AADACL4: variants seen among roughly 807,000 people sequenced by gnomAD.
AADACL4 encodes the protein arylacetamide deacetylase-like 4.
AADACL4 carries 9 observed loss-of-function variants against 14.1 expected under a neutral mutation model. The ratio of observed to expected loss-of-function variants is 0.64; its 90% CI spans 0.39 to 1.12. The LOEUF is 1.12. Ranked by LOEUF, AADACL4 falls within the 50% of genes most tolerant of loss-of-function variation. The probability of loss-of-function intolerance (pLI) is 0.01; values close to 1 mark genes in which losing one functional copy is unlikely to be tolerated. For missense variants in AADACL4, 531 were observed against 516.1 expected, an observed-to-expected ratio of 1.03 and a Z score of -0.28; for synonymous variants, 188 against 201.6, an observed-to-expected ratio of 0.93 and a Z score of 0.57.
intron 1 of AADACL4, among the ~76,000 whole-genome samples, chr1:12,649,800 G>A (rs1444419252): frequency 6.6e-6 from 1 of 152,182 alleles, no homozygotes; most frequent in Admixed American, 6.5e-5. Flanking sequence ...ACAAATTGAA[G>A]CTCAGAGACA....
intron 1 of AADACL4, among the ~76,000 whole-genome samples, chr1:12,647,731 C>T (rs972634055): frequency 6.6e-6 from 1 of 151,574 alleles, no homozygotes; most frequent in Non-Finnish European, 1.5e-5. Flanking sequence ...TCATGGCTTA[C>T]TGCAGCCTCG....
intron 1 of AADACL4, among the ~76,000 whole-genome samples, chr1:12,650,551 C>T (rs896759128): frequency 2.7e-5 from 4 of 150,636 alleles, no homozygotes; most frequent in East Asian, 1.9e-4. Context: ...TTTTTTTCCC[C>T]GAGATGGAGT....
intron 2 of AADACL4, 66 bp downstream of exon 2, chr1:12,651,405 C>T: frequency 2.0e-6 from 3 of 1,505,632 alleles, no homozygotes; most frequent in Non-Finnish European, 2.7e-6. Context: ...TAGCTCATGC[C>T]TCCCGCAAGA....
At chr1:12,648,856 GC>G (rs1247732980) in intron 1 of AADACL4, among the ~76,000 whole-genome samples, 2 of 152,162 alleles carry the variant, frequency 1.3e-5, no homozygotes, top group Non-Finnish European at 2.9e-5. Flanking sequence ...TAACTTCGTG[GC>G]ATAGCTAGTG....
chr1:12,661,758 T>A, intron 2 of AADACL4, 33 bp from the exon 3 acceptor site: 1 of 1,608,984 alleles, frequency 6.2e-7, no homozygotes, highest in East Asian at 2.2e-5. Context: ...GTCCTACTCA[T>A]GCGCTGCTGC....
chr1:12,649,405 G>C (rs1296125460), intron 1 of AADACL4, among the ~76,000 whole-genome samples: 1 of 152,160 alleles, frequency 6.6e-6, no homozygotes, highest in Non-Finnish European at 1.5e-5. Context: ...CTGACAACAG[G>C]GGCCACGACT....
chr1:12,652,162 C>G (rs1647152592), intron 2 of AADACL4, among the ~76,000 whole-genome samples: 1 of 152,120 alleles, frequency 6.6e-6, no homozygotes, highest in African/African-American at 2.4e-5. Context: ...CAGAGCTTGT[C>G]AGTCCTGCAC....
At chr1:12,650,827 G>A (rs1426284820) in intron 1 of AADACL4, among the ~76,000 whole-genome samples, 3 of 152,124 alleles carry the variant, frequency 2.0e-5, no homozygotes, top group Admixed American at 6.5e-5. Context: ...CACTGCGCCC[G>A]GCCAACAATT....
chr1:12,662,988 T>A (rs189664752), intron 3 of AADACL4, among the ~76,000 whole-genome samples: 1 of 152,302 alleles, frequency 6.6e-6, no homozygotes, highest in Admixed American at 6.5e-5. Flanking sequence ...TTGCTTAGGA[T>A]GCCATTATCC....
rs1336400482 is a variant in AADACL4, at chr1:12,658,136, C to CT, written c.386-3653dup. Among the ~76,000 whole-genome samples, 99 of 125,514 alleles carry CT rather than the reference C, an allele frequency of 7.9e-4. 1 individual carries two copies. Among genetic ancestry groups the CT allele is most frequent in the Admixed American group, 6.2e-3 (78 of 12,576 alleles). 82.3% of individuals were successfully genotyped at this position (125,514 alleles called of 152,430 possible). ...CCTTCCTTCCTTCCTTCCTTCCTTC[C>CT]TTCCTTTCTTTCTTTCTTTCTTTCT... On this transcript the variant is annotated intron_variant, in intron 2 of 3. Coordinates refer to ENST00000376221, the MANE Select transcript of AADACL4 (RefSeq NM_001013630.2).
chr1:12,657,751 G>T (rs566438902), intron 2 of AADACL4, among the ~76,000 whole-genome samples: 1 of 152,120 alleles, frequency 6.6e-6, no homozygotes, highest in Non-Finnish European at 1.5e-5. Flanking sequence ...GACCAAAATG[G>T]GTGTCCCAGA....
chr1:12,647,489 G>A (rs764237836), intron 1 of AADACL4, among the ~76,000 whole-genome samples: 2 of 152,094 alleles, frequency 1.3e-5, no homozygotes, highest in South Asian at 4.1e-4. Context: ...AGAAAGTCTC[G>A]ATAAAAGTCA....
At chr1:12,665,762 A>G (rs554354569) in intron 3 of AADACL4, among the ~76,000 whole-genome samples, 199 bp from the exon 4 acceptor site, 110 of 152,202 alleles carry the variant, frequency 7.2e-4, no homozygotes, top group Middle Eastern at 3.4e-3. Context: ...TTTGGAGTTA[A>G]GAATCCTTGC....
At chr1:12,645,221 T>A (rs542164299) in intron 1 of AADACL4, among the ~76,000 whole-genome samples, 301 of 131,536 alleles carry the variant, frequency 2.3e-3, no homozygotes, top group Non-Finnish European at 3.8e-3. Context: ...TCTTCCTTCC[T>A]CCCTATCTCC....
At chr1:12,660,688 G>A (rs1329354707) in intron 2 of AADACL4, among the ~76,000 whole-genome samples, 1 of 152,064 alleles carries the variant, frequency 6.6e-6, no homozygotes, top group Admixed American at 6.5e-5. Context: ...CTGTCACCCA[G>A]GCTGGAGTGC....
intron 2 of AADACL4, 122 bp from the exon 3 acceptor site, chr1:12,661,669 A>G: frequency 9.8e-7 from 1 of 1,016,748 alleles, no homozygotes; most frequent in South Asian, 1.3e-5. Flanking sequence ...GGAGGCAAGG[A>G]TAGAAACAGA....
At chr1:12,659,365 C>T (rs1213198158) in intron 2 of AADACL4, among the ~76,000 whole-genome samples, 1 of 152,142 alleles carries the variant, frequency 6.6e-6, no homozygotes, top group Non-Finnish European at 1.5e-5. Flanking sequence ...TCAGATTTGA[C>T]CTCAGGCTCA....
Position 12,666,889 on chromosome 1 carries a change from G to C in AADACL4, c.*154G>C. 2 of 730,254 alleles carry C rather than the reference G, an allele frequency of 2.7e-6. No individual in the cohort carries two copies. The highest frequency in any genetic ancestry group is 4.2e-6 in the Non-Finnish European group (2 of 476,140). 45.2% of individuals were successfully genotyped at this position (730,254 alleles called of 1,614,324 possible). ...AGAAGTAAGCTAACAGTCTTGCTTA[G>C]TATTCAAGAAAATCCAAACTGTGTC... is the stretch of plus-strand genomic sequence containing the variant. On this transcript the variant is annotated 3_prime_UTR_variant, in exon 4 of 4. Transcript: ENST00000376221.
intron 2 of AADACL4, 95 bp downstream of exon 2, chr1:12,651,434 A>G: frequency 7.7e-7 from 1 of 1,304,292 alleles, no homozygotes; most frequent in Admixed American, 2.3e-5. Flanking sequence ...ACAGTAGCTT[A>G]AAGGAATCAG....
Sources: gnomAD v4.1 joint callset for allele counts (sites outside exome capture counted in the v4.1 genomes callset) on GRCh38, gnomAD v4.1.1 for gene constraint, MANE v1.5 for transcripts, NCBI Gene and HGNC (gene_info 2026-07-23, HGNC 2026-07-21) for gene names.